Variants in GRAMD1B observed in about 807,000 individuals in gnomAD.
GRAMD1B encodes protein Aster-B.
In GRAMD1B, 37 loss-of-function variants were observed where a neutral mutation model predicts 99.7. The observed-to-expected ratio is 0.37, with a 90% CI of 0.29 to 0.49. The LOEUF (loss-of-function observed/expected upper bound fraction) is 0.49. Among genes scored for constraint, GRAMD1B ranks in the 20% least tolerant of loss-of-function variants. The probability of loss-of-function intolerance (pLI) is 0.98; values close to 1 mark genes in which losing one functional copy is unlikely to be tolerated. For missense variants in GRAMD1B, 888 were observed against 1,009.2 expected (o/e 0.88, Z 1.63); for synonymous variants, 427 against 387.6 (o/e 1.10, Z -1.19).
intron 2 of GRAMD1B, among the ~76,000 whole-genome samples, chr11:123,506,727 A>G (rs1736752414): frequency 6.6e-6 from 1 of 152,148 alleles, no homozygotes; most frequent in Non-Finnish European, 1.5e-5. Context: ...GGTTTTATTT[A>G]GACAACCTGA....
At position 123,448,520 on chromosome 11, in the gene GRAMD1B, C is replaced by T. The variant is rs1312686696; in HGVS notation, c.374+17354C>T. Among the ~76,000 whole-genome samples the T allele has an allele frequency of 1.2e-4, 19 of 152,200 alleles. 1 individual carries two copies. The stretch of plus-strand genomic sequence containing the variant: ...AGGCATGAGCCAGCATGCCCAGCCT[C>T]CACTTTCTACTTCTAAATCCATATA... On this transcript the variant is annotated intron_variant, in intron 1 of 19. Transcript: ENST00000635736.
chr11:123,515,619 A>G (rs900783710), intron 2 of GRAMD1B, among the ~76,000 whole-genome samples: 2 of 152,210 alleles, frequency 1.3e-5, no homozygotes, highest in Non-Finnish European at 2.9e-5. Flanking sequence ...ATTGAAAAAA[A>G]TTGGTGGACC....
At chr11:123,609,712 G>A in intron 12 of GRAMD1B, 83 bp from the exon 13 acceptor site, 1 of 830,566 alleles carries the variant, frequency 1.2e-6, no homozygotes, top group Non-Finnish European at 2.0e-6. Flanking sequence ...GCACAGTCCA[G>A]AAGGTCACTT....
chr11:123,499,204 C>A (rs1939604501), intron 2 of GRAMD1B, among the ~76,000 whole-genome samples: 1 of 152,136 alleles, frequency 6.6e-6, no homozygotes, highest in Non-Finnish European at 1.5e-5. Context: ...CATGATGGAA[C>A]TGGTGGCTTT....
At chr11:123,395,650 C>T (rs1169096369) in intron 1 of GRAMD1B, among the ~76,000 whole-genome samples, 1 of 152,252 alleles carries the variant, frequency 6.6e-6, no homozygotes, top group East Asian at 1.9e-4. Context: ...CCAGTTAAAT[C>T]GTGTTTAGAA....
At chr11:123,453,381 A>G (rs1273440127) in intron 1 of GRAMD1B, among the ~76,000 whole-genome samples, 1 of 152,110 alleles carries the variant, frequency 6.6e-6, no homozygotes, top group Non-Finnish European at 1.5e-5. Flanking sequence ...CAGTGGTGCA[A>G]TCCTGGCTCA....
intron 9 of GRAMD1B, 27 bp downstream of exon 9, chr11:123,603,568 A>G (rs754702215): frequency 7.2e-7 from 1 of 1,394,596 alleles, no homozygotes; most frequent in Non-Finnish European, 1.0e-6. Flanking sequence ...GCGGCTGCCC[A>G]GAGGCAGCCG....
In GRAMD1B at chr11:123,589,614, T is replaced by TTATATATATATATATATATATATATATA. The variant is rs71060517; in HGVS notation, c.685-4445_685-4444insATATATATATATATATATATATATATAT. Among the ~76,000 whole-genome samples, 38 of 128,228 alleles carry TTATATATATATATATATATATATATATA rather than the reference T, an allele frequency of 3.0e-4. 1 individual carries two copies. Among genetic ancestry groups the TTATATATATATATATATATATATATATA allele is most frequent in the African/African-American group, 1.1e-3 (31 of 28,508 alleles). 84.1% of individuals were successfully genotyped at this position (128,228 alleles called of 152,430 possible). A position where few individuals can be genotyped will look rare whatever the true frequency, so the allele number is the denominator to read the frequency against. ...ACCTGCCACCATGTGTGGCTAATTTTTATATATATATATATATATATATTT... is the reference window on the plus strand; with the variant it reads ...ACCTGCCACCATGTGTGGCTAATTTTTATATATATATATATATATATATATATATATATATATATATATATATATATTT... On this transcript the variant is annotated intron_variant, in intron 4 of 19. Transcript: ENST00000635736.
chr11:123,607,687 TG>T (rs1273072706), intron 11 of GRAMD1B: 1 of 36,652 alleles, frequency 2.7e-5, no homozygotes, highest in Non-Finnish European at 5.7e-5. Context: ...TCATAGGACT[TG>T]ACCCCTACAG....
At chr11:123,369,614 G>T (rs1174719485) in intron 1 of GRAMD1B, among the ~76,000 whole-genome samples, 1 of 152,162 alleles carries the variant, frequency 6.6e-6, no homozygotes, top group Admixed American at 6.5e-5. Flanking sequence ...GCTCATGCCT[G>T]CCATCCCAGC....
chr11:123,481,712 A>G (rs1386354063), intron 2 of GRAMD1B, among the ~76,000 whole-genome samples: 1 of 152,206 alleles, frequency 6.6e-6, no homozygotes. Flanking sequence ...CTAACTAAGC[A>G]CTCAGTGTGA....
chr11:123,558,833 A>G (rs1946414188), intron 2 of GRAMD1B, among the ~76,000 whole-genome samples: 1 of 152,226 alleles, frequency 6.6e-6, no homozygotes, highest in African/African-American at 2.4e-5. Context: ...TGTTCTATCA[A>G]CGGGCTGCAG....
upstream of GRAMD1B, among the ~76,000 whole-genome samples, chr11:123,427,603 G>A (rs983314928): frequency 1.2e-4 from 18 of 152,140 alleles, no homozygotes; most frequent in African/African-American, 4.1e-4. Context: ...ACTTGCCAGA[G>A]CCATGGGCAA....
intron 2 of GRAMD1B, among the ~76,000 whole-genome samples, chr11:123,506,108 C>A (rs1469774431): frequency 6.6e-6 from 1 of 152,242 alleles, no homozygotes; most frequent in African/African-American, 2.4e-5. Flanking sequence ...GCCACACACT[C>A]TGTAAGCAAT....
rs112963564 is a variant in GRAMD1B at position 123,559,272 on chromosome 11, T to C, written c.453-18095T>C. On this transcript the variant is annotated intron_variant, in intron 2 of 19. Coordinates refer to ENST00000635736, the MANE Select transcript of GRAMD1B (RefSeq NM_001387025.1). ...TCATCATTGTTAGTGTTGTCGGTTTTGTGCTACATCCCTCAAGAGATGACA... is the reference window on the plus strand; with the variant it reads ...TCATCATTGTTAGTGTTGTCGGTTTCGTGCTACATCCCTCAAGAGATGACA... 6.1e-4 allele frequency among the ~76,000 whole-genome samples: 93 copies of C among 152,340 alleles called. No homozygotes were observed. The Middle Eastern group carries it at 0.01, about 17-fold the overall frequency.
chr11:123,516,046 G>A (rs1473268888), intron 2 of GRAMD1B, among the ~76,000 whole-genome samples: 1 of 152,206 alleles, frequency 6.6e-6, no homozygotes, highest in Non-Finnish European at 1.5e-5. Flanking sequence ...CAAGATTACA[G>A]GTGTGAGCCC....
chr11:123,607,224 C>T (rs1302372731), intron 11 of GRAMD1B, among the ~76,000 whole-genome samples: 1 of 152,186 alleles, frequency 6.6e-6, no homozygotes, highest in African/African-American at 2.4e-5. Context: ...TTAGGCCCAG[C>T]TAGAAGAAAA....
chr11:123,490,535 A>T (rs1350122162), intron 2 of GRAMD1B, among the ~76,000 whole-genome samples: 12 of 152,228 alleles, frequency 7.9e-5, no homozygotes. Context: ...TGAGGCCCTT[A>T]GGAGCCTATT....
intron 1 of GRAMD1B, among the ~76,000 whole-genome samples, chr11:123,386,740 T>C (rs1342298925): frequency 6.6e-6 from 1 of 152,208 alleles, no homozygotes; most frequent in Non-Finnish European, 1.5e-5. Flanking sequence ...TGAGCCACCA[T>C]GCCCAGCCTC....
Sources: allele counts gnomAD v4.1 joint callset (sites outside exome capture counted in the v4.1 genomes callset), GRCh38; gene constraint gnomAD v4.1.1; transcripts MANE v1.5; gene names NCBI Gene and HGNC (gene_info 2026-07-23, HGNC 2026-07-21).